Variants in LRRIQ3 observed in about 807,000 individuals in gnomAD.
LRRIQ3 encodes the protein leucine-rich repeat and IQ domain-containing protein 3.
LRRIQ3 carries 75 observed loss-of-function variants against 59.3 expected under a neutral mutation model. That is an observed-to-expected ratio of 1.26 (90% confidence interval 1.05 to 1.53). LRRIQ3 has a LOEUF of 1.53. Among genes scored for constraint, LRRIQ3 ranks in the 40% most tolerant of loss-of-function variants. The pLI is 0.00. For missense variants in LRRIQ3, 831 were observed against 710.0 expected, an observed-to-expected ratio of 1.17 and a Z score of -1.94; for synonymous variants, 250 against 231.3, an observed-to-expected ratio of 1.08 and a Z score of -0.73.
intron 3 of LRRIQ3, among the ~76,000 whole-genome samples, chr1:74,175,840 C>T (rs1024870326): frequency 2.6e-5 from 4 of 152,120 alleles, no homozygotes; most frequent in Non-Finnish European, 5.9e-5. Flanking sequence ...CAACTAATGT[C>T]ACAACCATGT....
intron 6 of LRRIQ3, among the ~76,000 whole-genome samples, chr1:74,056,652 A>T (rs556580616): frequency 6.6e-6 from 1 of 152,322 alleles, no homozygotes; most frequent in African/African-American, 2.4e-5. Context: ...AAATAAATTT[A>T]ACCATGAAAA....
intron 6 of LRRIQ3, among the ~76,000 whole-genome samples, chr1:74,065,335 C>A (rs997466581): frequency 1.3e-5 from 2 of 152,066 alleles, no homozygotes; most frequent in Non-Finnish European, 2.9e-5. Flanking sequence ...GGAACAGTCT[C>A]CCCTTGTTTT....
chr1:74,044,117 G>C (rs1365671576), intron 6 of LRRIQ3, among the ~76,000 whole-genome samples: 2 of 152,048 alleles, frequency 1.3e-5, no homozygotes, highest in Admixed American at 1.3e-4. Context: ...TTTAGCTATA[G>C]GATCGAACTT....
chr1:74,155,937 G>T, intron 3 of LRRIQ3, 71 bp from the exon 4 acceptor site: 1 of 894,090 alleles, frequency 1.1e-6, no homozygotes. Context: ...TTTTAAATTT[G>T]GTAATCTATT....
chr1:74,051,630 A>T (rs112841403), intron 6 of LRRIQ3, among the ~76,000 whole-genome samples: 2,283 of 152,194 alleles, frequency 0.015, 46 homozygotes, highest in African/African-American at 0.052. Flanking sequence ...CCCCATACGC[A>T]TTAGAGTCAT....
intron 3 of LRRIQ3, among the ~76,000 whole-genome samples, chr1:74,169,486 T>A (rs1211647305): frequency 1.3e-5 from 2 of 152,156 alleles, no homozygotes; most frequent in Non-Finnish European, 2.9e-5. Flanking sequence ...GAAACCTCCA[T>A]AATGTTTCCA....
chr1:74,064,252 ATCCTATTTC>A (rs1489100842), intron 6 of LRRIQ3, among the ~76,000 whole-genome samples: 1 of 151,788 alleles, frequency 6.6e-6, no homozygotes, highest in Admixed American at 6.6e-5. Flanking sequence ...ACCAATTTTT[ATCCTATTTC>A]TTTCTGTAGG....
chr1:74,030,017 A>G (rs185126936), intron 7 of LRRIQ3, among the ~76,000 whole-genome samples: 1 of 152,038 alleles, frequency 6.6e-6, no homozygotes, highest in Non-Finnish European at 1.5e-5. Flanking sequence ...ACTCCCATTC[A>G]CAATCGTTTC....
intron 5 of LRRIQ3, among the ~76,000 whole-genome samples, chr1:74,080,227 T>C (rs912694897): frequency 5.3e-5 from 8 of 151,550 alleles, no homozygotes; most frequent in African/African-American, 1.9e-4. Context: ...GTGAAGAAGC[T>C]AAGAAAAGAT....
intron 4 of LRRIQ3, among the ~76,000 whole-genome samples, chr1:74,128,413 T>A (rs1373763321): frequency 6.6e-6 from 1 of 152,108 alleles, no homozygotes; most frequent in African/African-American, 2.4e-5. Flanking sequence ...TCAATTGCAT[T>A]TTTCAACTCC....
At position 74,041,739 on chromosome 1, in the gene LRRIQ3, T is replaced by C. The variant is rs17094779; in HGVS notation, c.1192A>G (p.Ile398Val). The change falls in exon 7 of 8, where the codon ATA (isoleucine) becomes GTA (valine). Residue 398 changes from isoleucine (I) to valine (V), a missense_variant. Coordinates refer to ENST00000354431, the MANE Select transcript of LRRIQ3 (RefSeq NM_001105659.2). ...THPKPIIKKD[I>V]RLERSMKEFF... ...TCTTTCATACTCCGCTCCAATCGTA[T>C]GTCTTTTTTAATGATTGGCTTTGGA... The C allele has an allele frequency of 4.9e-3, 7,859 of 1,613,678 alleles. 341 individuals carry two copies. In the African/African-American group the frequency reaches 0.093, roughly 19 times the overall value.
chr1:74,042,891 G>A (rs566431917), intron 6 of LRRIQ3, among the ~76,000 whole-genome samples: 2 of 152,058 alleles, frequency 1.3e-5, no homozygotes, highest in Admixed American at 6.6e-5. Flanking sequence ...TTTCCACTAC[G>A]TAGAGATGAG....
At chr1:74,127,032 C>T (rs556447701) in intron 4 of LRRIQ3, among the ~76,000 whole-genome samples, 26 of 151,910 alleles carry the variant, frequency 1.7e-4, no homozygotes, top group African/African-American at 5.3e-4. Context: ...TTGGGTGCTC[C>T]AGTGTTGGGT....
chr1:74,041,772 TATAGA>T lies in LRRIQ3; in HGVS notation c.1154_1158del (p.Ile385AsnfsTer9), dbSNP rs766454165. On this transcript the variant is annotated frameshift_variant, in exon 7 of 8. Transcript: ENST00000354431. LOFTEE classifies it high-confidence loss of function. The stretch of plus-strand genomic sequence containing the variant: ...TTAATGATTGGCTTTGGATGAGTAG[TATAGA>T]TTGGCTGAGGATATGCAGGAAAAAA... 1 of 1,613,728 alleles carries T rather than the reference TATAGA, an allele frequency of 6.2e-7. No homozygotes were observed. The highest frequency in any genetic ancestry group is 8.5e-7 in the Non-Finnish European group (1 of 1,179,780).
At chr1:74,154,407 C>T (rs1648197887) in intron 4 of LRRIQ3, among the ~76,000 whole-genome samples, 1 of 151,914 alleles carries the variant, frequency 6.6e-6, no homozygotes, top group Admixed American at 6.6e-5. Flanking sequence ...TCAAGCCCAG[C>T]ATAGATAAGT....
At chr1:74,102,706 T>G (rs2100546231) in intron 5 of LRRIQ3, among the ~76,000 whole-genome samples, 1 of 152,108 alleles carries the variant, frequency 6.6e-6, no homozygotes, top group East Asian at 1.9e-4. Flanking sequence ...TTTCCTAGGA[T>G]GCATTGTGTC....
chr1:74,072,136 G>T (rs1655044460), intron 6 of LRRIQ3, among the ~76,000 whole-genome samples: 1 of 151,942 alleles, frequency 6.6e-6, no homozygotes, highest in East Asian at 1.9e-4. Flanking sequence ...TTTAAGAATG[G>T]TATCTAAAAG....
chr1:74,069,146 T>C (rs1187899922), intron 6 of LRRIQ3, among the ~76,000 whole-genome samples: 1 of 152,082 alleles, frequency 6.6e-6, no homozygotes, highest in Non-Finnish European at 1.5e-5. Context: ...CTCAGAAATA[T>C]CTTTTATGTA....
intron 5 of LRRIQ3, chr1:74,082,637 A>G (rs1646285949): frequency 6.6e-6 from 1 of 151,528 alleles, no homozygotes; most frequent in African/African-American, 2.4e-5. Flanking sequence ...TACTTTACCT[A>G]AACACCTTAA....
Sources: gnomAD v4.1 joint callset for allele counts (sites outside exome capture counted in the v4.1 genomes callset) on GRCh38, gnomAD v4.1.1 for gene constraint, MANE v1.5 for transcripts, NCBI Gene and HGNC (gene_info 2026-07-23, HGNC 2026-07-21) for gene names.